The following RHBDF2 variants were observed in gnomAD, a reference collection of about 807,000 sequenced individuals.
RHBDF2 encodes rhomboid 5 homolog 2, also known as inactive rhomboid protein 2.
RHBDF2 carries 38 observed loss-of-function variants against 95.2 expected under a neutral mutation model. The observed-to-expected ratio is 0.40, with a 90% confidence interval of 0.31 to 0.52. The LOEUF is 0.52. Among genes scored for constraint, RHBDF2 ranks in the 20% least tolerant of loss-of-function variants. The probability of loss-of-function intolerance (pLI) is 0.56; values close to 1 mark genes in which losing one functional copy is unlikely to be tolerated. For missense variants in RHBDF2, 863 were observed against 1,137.7 expected (o/e 0.76, Z 3.47); for synonymous variants, 442 against 462.0 (o/e 0.96, Z 0.55).
chr17:76,474,951 G>C (rs193283251), intron 10 of RHBDF2, 79 bp downstream of exon 10: 1 of 1,461,628 alleles, frequency 6.8e-7, no homozygotes, highest in African/African-American at 1.4e-5. Flanking sequence ...TTGTTGCGGT[G>C]GGAGGGATTA....
intron 7 of RHBDF2, 34 bp downstream of exon 7, chr17:76,477,623 A>C (rs1598662320): frequency 6.2e-7 from 1 of 1,609,850 alleles, no homozygotes. Context: ...AGGCCACCCC[A>C]CCCAACTCCT....
At chr17:76,479,311 G>A (rs537925508) in intron 4 of RHBDF2, 34 bp from the exon 5 acceptor site, 32 of 1,562,034 alleles carry the variant, frequency 2.0e-5, no homozygotes, top group South Asian at 1.8e-4. Flanking sequence ...GTGGGCATAC[G>A]CTTGTCTACG....
chr17:76,477,806 A>G (rs1239244795), intron 6 of RHBDF2, 21 bp from the exon 7 acceptor site: 2 of 1,605,240 alleles, frequency 1.2e-6, no homozygotes, highest in Non-Finnish European at 1.7e-6. Flanking sequence ...GCAGAGGCAC[A>G]GCCATCAGGA....
intron 15 of RHBDF2, 26 bp from the exon 16 acceptor site, chr17:76,473,353 G>C (rs2073652123): frequency 1.3e-6 from 2 of 1,592,552 alleles, no homozygotes; most frequent in Admixed American, 3.4e-5. Context: ...GGCAAGAGGG[G>C]ACATCAGGGC....
In RHBDF2 at chr17:76,477,394, G is replaced by A. The variant is rs189856703; in HGVS notation, c.802-96C>T. On this transcript the variant is annotated intron_variant, in intron 7 of 18. Coordinates refer to ENST00000675367, the MANE Select transcript of RHBDF2 (RefSeq NM_001005498.4). ...AAGGGCAGGACACAGCTGAACAGACGGGCTCTTCACAATGAATTGGGAAGC... is the reference window on the plus strand; with the variant it reads ...AAGGGCAGGACACAGCTGAACAGACAGGCTCTTCACAATGAATTGGGAAGC... 2.5e-3 allele frequency: 3,516 copies of A among 1,418,462 alleles called. 26 individuals carry two copies. The highest frequency in any genetic ancestry group is 0.014 in the Middle Eastern group (76 of 5,344). 87.9% of individuals were successfully genotyped at this position (1,418,462 alleles called of 1,614,324 possible). A position where few individuals can be genotyped will look rare whatever the true frequency, so the allele number is the denominator to read the frequency against.
At chr17:76,476,470 T>C (rs2073776252) in intron 9 of RHBDF2, 1 of 227,914 alleles carries the variant, frequency 4.4e-6, no homozygotes. Context: ...TGGCCCCAGC[T>C]TCTAACTGTC....
Position 76,478,983 on chromosome 17 carries a change from C to G in RHBDF2, c.495G>C (p.Arg165=), listed in dbSNP as rs376748040. ...CCATCTCCTCCGGGTGGCGGAAGGCCCGGCCCCGGGCCAGCGGATCCACAA... is the reference window on the plus strand; with the variant it reads ...CCATCTCCTCCGGGTGGCGGAAGGCGCGGCCCCGGGCCAGCGGATCCACAA... ...PKIVDPLARG[R]AFRHPEEMDR... The change falls in exon 6 of 19, where the codon CGG becomes CGC. Residue 165 remains arginine (R), a synonymous_variant. Coordinates refer to ENST00000675367, the MANE Select transcript of RHBDF2 (RefSeq NM_001005498.4). 1 of 1,595,602 alleles carries G rather than the reference C, an allele frequency of 6.3e-7. No individual in the cohort carries two copies. Among genetic ancestry groups the G allele is most frequent in the Admixed American group, 1.7e-5 (1 of 58,822 alleles).
At position 76,471,514 on chromosome 17, in the gene RHBDF2, G is replaced by C; in HGVS notation, c.*119C>G. ...TGGCAGGGGGGCACCCAGGTCCAGA[G>C]CCCGGGCCCTGTCTTGGGTCTCTGG... On this transcript the variant is annotated 3_prime_UTR_variant, in exon 19 of 19. Transcript: ENST00000675367. 2 of 1,195,748 alleles carry C rather than the reference G, an allele frequency of 1.7e-6. No individual in the cohort carries two copies. The highest frequency in any genetic ancestry group is 2.3e-6 in the Non-Finnish European group (2 of 870,712). The allele number at this position is 1,195,748 out of a possible 1,614,324, so 74.1% of individuals were successfully genotyped here.
intron 1 of RHBDF2, among the ~76,000 whole-genome samples, chr17:76,495,969 G>A (rs997616241): frequency 7.2e-5 from 11 of 152,162 alleles, no homozygotes; most frequent in Non-Finnish European, 1.0e-4. Context: ...GCAAAGCCAC[G>A]TGCTTATGGC....
chr17:76,475,083 A>C lies in RHBDF2; in HGVS notation c.1174T>G (p.Cys392Gly), dbSNP rs374870347. Residue 392 changes from cysteine (C) to glycine (G), a missense_variant, in exon 10 of 19, where the codon TGC (cysteine) becomes GGC (glycine). By Grantham distance (159) the Cys-to-Gly change is radical. This residue lies in a region of RHBDF2 where 611 missense variants were observed against 725.5 expected (regional missense o/e 0.84). Coordinates refer to ENST00000675367, the MANE Select transcript of RHBDF2 (RefSeq NM_001005498.4). ...VHVIITLLVI[C>G]TYGIAPVGFA... ...CCCACGGGTGCGATGCCATACGTGC[A>C]AATCACCAGCAGCGTGATGATGACA... is the stretch of plus-strand genomic sequence containing the variant. 1.9e-6 allele frequency: 3 copies of C among 1,600,768 alleles called. No individual in the cohort carries two copies. The African/African-American group carries it at 4.0e-5, about 21-fold the overall frequency.
Position 76,477,745 on chromosome 17 carries a change from A to G in RHBDF2, c.713T>C (p.Val238Ala), listed in dbSNP as rs754170769. 7 of 1,613,316 alleles carry G rather than the reference A, an allele frequency of 4.3e-6. No individual in the cohort carries two copies. In the East Asian group the frequency reaches 1.3e-4, roughly 31 times the overall value. Residue 238 changes from valine to alanine, a missense_variant, in exon 7 of 19, where the codon GTG (valine) becomes GCG (alanine). Val to Ala is a moderately conservative substitution (Grantham distance 64). Transcript: ENST00000675367. ...VLDATGQRCRVVKRSFAFPSF... is the reference protein window; with the variant it reads ...VLDATGQRCRAVKRSFAFPSF... ...CGGGAAGGCAAAGCTGCGCTTGACC[A>G]CCCGGCACCGCTGTCCGGTGGCATC...
intron 1 of RHBDF2, among the ~76,000 whole-genome samples, chr17:76,491,434 G>T (rs187793890): frequency 1.3e-5 from 2 of 151,174 alleles, no homozygotes; most frequent in Admixed American, 6.6e-5. Flanking sequence ...CAATCAGTTG[G>T]GGGGGGGTCC....
At chr17:76,491,419 C>T (rs2074295882) in intron 1 of RHBDF2, among the ~76,000 whole-genome samples, 1 of 148,076 alleles carries the variant, frequency 6.8e-6, no homozygotes, top group African/African-American at 2.4e-5. Context: ...TGGTCAGCCC[C>T]AGGGCAATCA....
rs780367026 is a variant in RHBDF2, at chr17:76,471,705, G to C, written c.2412C>G (p.Ile804Met). 5.7e-5 allele frequency: 91 copies of C among 1,610,540 alleles called. No individual in the cohort carries two copies. Among genetic ancestry groups the C allele is most frequent in the Non-Finnish European group, 7.6e-5 (90 of 1,178,674 alleles). The change falls in exon 19 of 19, where the codon ATC becomes ATG. Residue 804 changes from isoleucine to methionine, a missense_variant. Ile to Met is a conservative substitution (Grantham distance 10). This residue lies in a region of RHBDF2 where 252 missense variants were observed against 412.2 expected (regional missense o/e 0.61). Coordinates refer to ENST00000675367, the MANE Select transcript of RHBDF2 (RefSeq NM_001005498.4). ...LYIYPINWPW[I>M]EHLTCFPFTS... ...TGAAGGGGAAGCAGGTGAGGTGCTC[G>C]ATCCAGGGCCAGTTAATGGGGTAGA...
At chr17:76,493,823 G>A (rs983066612) in intron 1 of RHBDF2, among the ~76,000 whole-genome samples, 1 of 152,242 alleles carries the variant, frequency 6.6e-6, no homozygotes, top group Admixed American at 6.5e-5. Context: ...CAGCTCCCCA[G>A]ACATCCCACG....
At chr17:76,498,291 C>G (rs1405032922) in intron 1 of RHBDF2, among the ~76,000 whole-genome samples, 1 of 151,996 alleles carries the variant, frequency 6.6e-6, no homozygotes, top group Non-Finnish European at 1.5e-5. Flanking sequence ...AACTGGGAGC[C>G]GCTTCCGACA....
chr17:76,491,224 C>T (rs112726415), intron 1 of RHBDF2, among the ~76,000 whole-genome samples: 1,726 of 152,252 alleles, frequency 0.011, 34 homozygotes, highest in African/African-American at 0.038. Context: ...GACTCCCCAC[C>T]TAGCTCCCTA....
chr17:76,486,077 TACAC>T (rs57942849), intron 2 of RHBDF2, among the ~76,000 whole-genome samples: 5,710 of 144,812 alleles, frequency 0.039, 139 homozygotes, highest in Non-Finnish European at 0.047. Flanking sequence ...TATATATATG[TACAC>T]ACACACACAC....
At chr17:76,477,565 A>G (rs775505445) in intron 7 of RHBDF2, 92 bp downstream of exon 7, 114 of 1,408,088 alleles carry the variant, frequency 8.1e-5, no homozygotes, top group Non-Finnish European at 1.1e-4. Context: ...TGGGTCCCTC[A>G]GGGGTTCCTG....
Sources: allele counts gnomAD v4.1 joint callset (sites outside exome capture counted in the v4.1 genomes callset), GRCh38; gene constraint gnomAD v4.1.1; regional missense constraint gnomAD v4.1.1; transcripts MANE v1.5; gene names NCBI Gene and HGNC (gene_info 2026-07-23, HGNC 2026-07-21).